DYM: variants seen among roughly 807,000 people sequenced by gnomAD.
DYM encodes dymeclin, also known as dyggve-Melchior-Clausen syndrome protein.
Under a neutral mutation model 93.1 loss-of-function variants are expected in DYM, and 78 were observed. The ratio of observed to expected loss-of-function variants is 0.84; its 90% CI spans 0.70 to 1.01. DYM has a LOEUF of 1.01. Among genes scored for constraint, DYM ranks in the 50% least tolerant of loss-of-function variants. The probability of loss-of-function intolerance (pLI) is 0.00; values close to 1 mark genes in which losing one functional copy is unlikely to be tolerated. For missense variants in DYM, 789 were observed against 845.0 expected, an observed-to-expected ratio of 0.93 and a Z score of 0.82; for synonymous variants, 321 against 319.7, an observed-to-expected ratio of 1.00 and a Z score of -0.04.
chr18:49,170,150 G>T (rs1374458888), intron 14 of DYM, among the ~76,000 whole-genome samples: 2 of 152,140 alleles, frequency 1.3e-5, no homozygotes, highest in East Asian at 3.9e-4. Context: ...ACCATGTGAG[G>T]TAGGTCCTAC....
intron 15 of DYM, among the ~76,000 whole-genome samples, chr18:49,142,559 C>CT (rs991337971): frequency 6.6e-6 from 1 of 152,086 alleles, no homozygotes; most frequent in South Asian, 2.1e-4. Context: ...ACAATCAATT[C>CT]TTTTTTTGTC....
chr18:49,090,762 C>T (rs978715011), intron 17 of DYM, among the ~76,000 whole-genome samples: 1 of 152,104 alleles, frequency 6.6e-6, no homozygotes, highest in Admixed American at 6.5e-5. Flanking sequence ...TATCCTAATA[C>T]CATAAATCAG....
intron 2 of DYM, among the ~76,000 whole-genome samples, chr18:49,407,413 A>G (rs1185886634): frequency 5.3e-5 from 8 of 152,236 alleles, no homozygotes; most frequent in Admixed American, 4.6e-4. Flanking sequence ...TAATTTGTTC[A>G]TGGTTCTTCA....
intron 8 of DYM, among the ~76,000 whole-genome samples, chr18:49,295,430 C>T (rs952088537): frequency 3.9e-5 from 6 of 152,182 alleles, no homozygotes; most frequent in African/African-American, 1.4e-4. Flanking sequence ...GCAGCACATG[C>T]AACTTTCAGG....
intron 9 of DYM, among the ~76,000 whole-genome samples, chr18:49,284,870 T>G (rs1366613550): frequency 2.0e-5 from 3 of 152,218 alleles, no homozygotes; most frequent in African/African-American, 7.2e-5. Context: ...CTCTCCAAAA[T>G]TCATGTTGAA....
At chr18:49,266,891 T>G (rs1353349785) in intron 11 of DYM, among the ~76,000 whole-genome samples, 2 of 152,172 alleles carry the variant, frequency 1.3e-5, no homozygotes, top group Non-Finnish European at 2.9e-5. Context: ...TCATATATTT[T>G]GCTTACAGTG....
At chr18:49,127,631 T>C (rs1411504173) in intron 15 of DYM, among the ~76,000 whole-genome samples, 2 of 152,134 alleles carry the variant, frequency 1.3e-5, no homozygotes, top group African/African-American at 4.8e-5. Context: ...ACAAGCAAAG[T>C]TCTCTTTAAA....
At chr18:49,307,116 C>A (rs1282504477) in intron 8 of DYM, among the ~76,000 whole-genome samples, 1 of 151,940 alleles carries the variant, frequency 6.6e-6, no homozygotes, top group Non-Finnish European at 1.5e-5. Context: ...ATAATTCAAT[C>A]TAGAAAGCTA....
intron 14 of DYM, among the ~76,000 whole-genome samples, chr18:49,164,473 T>C (rs2087612660): frequency 6.6e-6 from 1 of 152,196 alleles, no homozygotes. Context: ...TTGCAGACTA[T>C]GGTCCAGGAA....
chr18:49,276,425 T>C (rs760889335), intron 10 of DYM, among the ~76,000 whole-genome samples: 9 of 152,156 alleles, frequency 5.9e-5, no homozygotes, highest in Non-Finnish European at 1.3e-4. Context: ...TAAATCCCAC[T>C]TGGATATGGT....
At chr18:49,226,175 G>A (rs1193073126) in intron 13 of DYM, among the ~76,000 whole-genome samples, 1 of 152,006 alleles carries the variant, frequency 6.6e-6, no homozygotes, top group Non-Finnish European at 1.5e-5. Flanking sequence ...TATGCACCAG[G>A]TATCTAAAAT....
intron 2 of DYM, among the ~76,000 whole-genome samples, chr18:49,408,736 A>G (rs1029599050): frequency 6.6e-6 from 1 of 152,224 alleles, no homozygotes; most frequent in Non-Finnish European, 1.5e-5. Context: ...GTAGCAAATT[A>G]TTACCGTGCC....
At chr18:49,118,947 CA>C in intron 15 of DYM, 21 bp from the exon 16 acceptor site, 1 of 1,607,834 alleles carries the variant, frequency 6.2e-7, no homozygotes, top group Non-Finnish European at 8.5e-7. Context: ...AAAGAAACCC[CA>C]ACACAGAGTC....
chr18:49,324,488 A>G (rs2062748196), intron 8 of DYM, among the ~76,000 whole-genome samples: 1 of 152,232 alleles, frequency 6.6e-6, no homozygotes, highest in Non-Finnish European at 1.5e-5. Context: ...CTTGTGGGCA[A>G]TATCTGTTTA....
At chr18:49,129,040 A>G (rs1482282135) in intron 15 of DYM, among the ~76,000 whole-genome samples, 1 of 151,694 alleles carries the variant, frequency 6.6e-6, no homozygotes, top group African/African-American at 2.4e-5. Flanking sequence ...CCCTTTTTTC[A>G]TTCTTTCTTG....
intron 10 of DYM, among the ~76,000 whole-genome samples, chr18:49,273,142 C>T (rs768465039): frequency 7.9e-5 from 12 of 152,118 alleles, no homozygotes; most frequent in African/African-American, 1.7e-4. Flanking sequence ...CTGGGGCATA[C>T]GTGTTTTGAC....
chr18:49,341,396 G>T (rs1439640374), intron 6 of DYM, among the ~76,000 whole-genome samples: 1 of 149,498 alleles, frequency 6.7e-6, no homozygotes, highest in African/African-American at 2.5e-5. Flanking sequence ...GGAAGCTGAG[G>T]CAGGGGAATC....
intron 8 of DYM, among the ~76,000 whole-genome samples, chr18:49,291,174 T>TTAAATGAATTAAGTGCTTCTG (rs1352741945): frequency 1.3e-5 from 2 of 152,198 alleles, no homozygotes; most frequent in Non-Finnish European, 2.9e-5. Context: ...AAAACACTTA[T>TTAAATGAATTAAGTGCTTCTG]TAAATGAATT....
chr18:49,269,317 C>T (rs1439127043), intron 11 of DYM, among the ~76,000 whole-genome samples: 2 of 151,888 alleles, frequency 1.3e-5, no homozygotes, highest in South Asian at 2.1e-4. Flanking sequence ...ATAACAAGTA[C>T]GGGAGGGGAT....
Sources: gnomAD v4.1 joint callset for allele counts (sites outside exome capture counted in the v4.1 genomes callset) on GRCh38, gnomAD v4.1.1 for gene constraint, MANE v1.5 for transcripts, NCBI Gene and HGNC (gene_info 2026-07-23, HGNC 2026-07-21) for gene names.